The following FAM111A variants were observed in gnomAD, a reference collection of about 807,000 sequenced individuals.
FAM111A encodes the protein serine protease FAM111A.
A neutral mutation model predicts 3.3 loss-of-function variants in FAM111A; 8 were observed. That is an observed-to-expected ratio of 2.39 (90% CI 1.40 to 4.32). FAM111A has a LOEUF of 4.32. FAM111A is among the 30% of genes most tolerant of loss of function. FAM111A has a pLI of 0.00. For synonymous variants in FAM111A, 227 were observed against 243.1 expected, an observed-to-expected ratio of 0.93 and a Z score of 0.62; for missense variants, 683 against 727.6, an observed-to-expected ratio of 0.94 and a Z score of 0.71.
intron 4 of FAM111A, among the ~76,000 whole-genome samples, chr11:59,147,763 AT>A (rs1458075134): frequency 6.6e-6 from 1 of 152,076 alleles, no homozygotes; most frequent in Non-Finnish European, 1.5e-5. Flanking sequence ...CCATTCTCTC[AT>A]TTTTTCTCTA....
rs1861833393 is a variant in FAM111A, at chr11:59,152,563, C to T, written c.895C>T (p.Gln299Ter). 1 of 1,613,804 alleles carries T rather than the reference C, an allele frequency of 6.2e-7. No individual in the cohort carries two copies. The highest frequency in any genetic ancestry group is 1.7e-5 in the Admixed American group (1 of 59,984). The change falls in exon 6 of 6, where the codon CAG becomes TAG. Residue 299 changes from glutamine to a stop codon, truncating the protein, a stop_gained. Coordinates refer to ENST00000675163, the MANE Select transcript of FAM111A (RefSeq NM_001312909.2). LOFTEE classifies it low-confidence loss of function (END_TRUNC). ...TGTGTTGAGAGAACAAATCGTGGCT[C>T]AGTACCCCAGTTTGAAAAGAGAAAG... Reference protein sequence around the residue: ...TCVLREQIVAQYPSLKRESEK... With the variant: ...TCVLREQIVA
At chr11:59,146,752 TAA>T (rs1860966798) in intron 4 of FAM111A, among the ~76,000 whole-genome samples, 1 of 152,128 alleles carries the variant, frequency 6.6e-6, no homozygotes, top group Non-Finnish European at 1.5e-5. Context: ...GGCTAGAACA[TAA>T]GTTAAACAAT....
chr11:59,152,707 G>T lies in FAM111A; in HGVS notation c.1039G>T (p.Val347Leu). 6.2e-7 allele frequency: 1 copy of T among 1,614,232 alleles called. No homozygotes were observed. The highest frequency in any genetic ancestry group is 8.5e-7 in the Non-Finnish European group (1 of 1,180,034). ...VTKNSSSIKV[V>L]KLLVRLSDSV... is the part of the protein sequence containing the mutation. ...AAAAAATTCTTCTTCGATTAAAGTA[G>T]TGAAACTTCTTGTACGTCTCAGTGA... Residue 347 changes from valine to leucine, a missense_variant, in exon 6 of 6, where the codon GTG becomes TTG. By Grantham distance (32) the Val-to-Leu change is conservative (BLOSUM62 1). This residue lies in a region of FAM111A where 557 missense variants were observed against 600.2 expected (regional missense o/e 0.93). Transcript: ENST00000675163.
rs1041940776 is a variant in FAM111A at position 59,153,618 on chromosome 11, C to G, written c.*114C>G. 1.3e-6 allele frequency: 1 copy of G among 755,212 alleles called. No individual in the cohort carries two copies. The highest frequency in any genetic ancestry group is 2.1e-6 in the Non-Finnish European group (1 of 475,826). 46.8% of individuals were successfully genotyped at this position (755,212 alleles called of 1,614,324 possible). ...ATCTTATCAATAATAATAATATTGA[C>G]CATTTCCTATCTGCCAGGCATTTTT... On this transcript the variant is annotated 3_prime_UTR_variant, in exon 6 of 6. Coordinates refer to ENST00000675163, the MANE Select transcript of FAM111A (RefSeq NM_001312909.2).
rs10896928 is a variant in FAM111A, at chr11:59,152,340, A to G, written c.672A>G (p.Ala224=). The change falls in exon 6 of 6, where the codon GCA becomes GCG. Residue 224 remains alanine (A), a synonymous_variant. Transcript: ENST00000675163. ...TCAAAGGAGAAACCATCAAGGATGC[A>G]CTGTGCAAGGATGGCAGATTTCTTT... ...YAFKGETIKD[A]LCKDGRFLSF... is the part of the protein sequence containing the mutation. 0.22 allele frequency: 352,554 copies of G among 1,613,960 alleles called. 39,740 individuals carry two copies. The highest frequency in any genetic ancestry group is 0.33 in the African/African-American group (25,068 of 74,984).
In FAM111A at chr11:59,143,561, A is replaced by G. The variant is rs548311570; in HGVS notation, c.-241A>G. 6.6e-6 allele frequency: 1 copy of G among 152,334 alleles called. No individual in the cohort carries two copies. The highest frequency in any genetic ancestry group is 2.1e-4 in the South Asian group (1 of 4,834). The allele number at this position is 152,334 out of a possible 1,614,324, so 9.4% of individuals were successfully genotyped here. On this transcript the variant is annotated 5_prime_UTR_variant, in exon 3 of 6. Coordinates refer to ENST00000675163, the MANE Select transcript of FAM111A (RefSeq NM_001312909.2). ...TAAGACCCAATGTTAACTTTATGAA[A>G]ATGGTTCCTAAGGAGATTCACATCT...
chr11:59,148,988 A>G, intron 5 of FAM111A, 35 bp downstream of exon 5: 1 of 1,446,792 alleles, frequency 6.9e-7, no homozygotes, highest in Non-Finnish European at 9.7e-7. Flanking sequence ...TAATCTAGTC[A>G]TCCCTTGGTA....
At position 59,142,941 on chromosome 11, in the gene FAM111A, A is replaced by T. The variant is rs1860338913; in HGVS notation, c.-533A>T. The T allele has an allele frequency of 6.6e-6, 1 of 152,218 alleles. No homozygotes were observed. Among genetic ancestry groups the T allele is most frequent in the African/African-American group, 2.4e-5 (1 of 41,432 alleles). 9.4% of individuals were successfully genotyped at this position (152,218 alleles called of 1,614,324 possible). ...GGGACTGGGGAAACCGGGAGAATAG[A>T]AGCAGGCAAGGACCGCCGTGGGCAC... On this transcript the variant is annotated 5_prime_UTR_variant, in exon 1 of 6. Transcript: ENST00000675163.
intron 5 of FAM111A, among the ~76,000 whole-genome samples, chr11:59,149,515 A>G (rs1861383643): frequency 6.6e-6 from 1 of 152,240 alleles, no homozygotes; most frequent in Admixed American, 6.5e-5. Context: ...GTCTTTAATG[A>G]AAAACTATTG....
intron 5 of FAM111A, 98 bp from the exon 6 acceptor site, chr11:59,151,652 A>G: frequency 1.1e-6 from 1 of 874,986 alleles, no homozygotes; most frequent in Non-Finnish European, 1.8e-6. Flanking sequence ...ATTGGTTCTC[A>G]GTTTCTCATA....
chr11:59,152,233 A>G lies in FAM111A; in HGVS notation c.565A>G (p.Ile189Val), dbSNP rs749281780. 1.9e-6 allele frequency: 3 copies of G among 1,614,020 alleles called. No homozygotes were observed. Among genetic ancestry groups the G allele is most frequent in the African/African-American group, 1.3e-5 (1 of 74,922 alleles). Reference protein sequence around the residue: ...TECVKFYIHAIGIGKCKRRIV... With the variant: ...TECVKFYIHAVGIGKCKRRIV... ...ATGTGTCAAATTTTACATTCATGCA[A>G]TTGGAATTGGGAAGTGTAAAAGAAG... Residue 189 changes from isoleucine (I) to valine (V), a missense_variant, in exon 6 of 6, where the codon ATT (isoleucine) becomes GTT (valine). Physicochemically the swap from Ile to Val is conservative, Grantham distance 29. This residue lies in a region of FAM111A where 557 missense variants were observed against 600.2 expected (regional missense o/e 0.93). Coordinates refer to ENST00000675163, the MANE Select transcript of FAM111A (RefSeq NM_001312909.2).
intron 5 of FAM111A, chr11:59,149,217 G>A (rs576470299): frequency 5.9e-6 from 2 of 338,852 alleles, no homozygotes; most frequent in South Asian, 1.0e-4. Flanking sequence ...GAAAAAAAAA[G>A]TCATGCACGT....
At chr11:59,147,603 A>G (rs540090111) in intron 4 of FAM111A, among the ~76,000 whole-genome samples, 10 of 152,274 alleles carry the variant, frequency 6.6e-5, no homozygotes, top group Admixed American at 6.5e-4. Context: ...ACTGCTCTAA[A>G]ATTAACCTCC....
rs1438950201 is a variant in FAM111A, at chr11:59,152,480, G to A, written c.812G>A (p.Arg271Lys). The A allele has an allele frequency of 6.2e-7, 1 of 1,613,990 alleles. No individual in the cohort carries two copies. The highest frequency in any genetic ancestry group is 2.2e-5 in the East Asian group (1 of 44,900). ...GRYFQVEVEK[R>K]MVPSAAASQN... ...TACTTTCAGGTTGAGGTTGAGAAAA[G>A]AATGGTCCCCAGTGCAGCAGCTTCT... The change falls in exon 6 of 6, where the codon AGA becomes AAA. Residue 271 changes from arginine to lysine, a missense_variant. Physicochemically the swap from Arg to Lys is conservative, Grantham distance 26. This residue lies in a region of FAM111A where 557 missense variants were observed against 600.2 expected (regional missense o/e 0.93). Coordinates refer to ENST00000675163, the MANE Select transcript of FAM111A (RefSeq NM_001312909.2).
At chr11:59,149,458 G>A (rs1234404490) in intron 5 of FAM111A, among the ~76,000 whole-genome samples, 1 of 152,040 alleles carries the variant, frequency 6.6e-6, no homozygotes, top group Non-Finnish European at 1.5e-5. Context: ...TTTTGGGGGC[G>A]GCATGGGGAA....
chr11:59,151,671 G>C, intron 5 of FAM111A, 79 bp from the exon 6 acceptor site: 1 of 1,068,018 alleles, frequency 9.4e-7, no homozygotes, highest in East Asian at 2.4e-5. Context: ...TAGGAATTTT[G>C]TGAATTGCAT....
Position 59,154,041 on chromosome 11 carries a change from G to C in FAM111A, c.*537G>C, listed in dbSNP as rs1431778752. The C allele has an allele frequency of 6.6e-6, 1 of 152,064 alleles. No individual in the cohort carries two copies. The highest frequency in any genetic ancestry group is 1.5e-5 in the Non-Finnish European group (1 of 68,086). 9.4% of individuals were successfully genotyped at this position (152,064 alleles called of 1,614,324 possible). On this transcript the variant is annotated 3_prime_UTR_variant, in exon 6 of 6. Transcript: ENST00000675163. ...TTGCCCTATTTTAAAGTCAAGCAAT[G>C]GGAAGAATAACAAGATTATATAGTA...
intron 5 of FAM111A, chr11:59,149,277 A>T (rs1353330381): frequency 2.2e-5 from 5 of 230,234 alleles, no homozygotes; most frequent in South Asian, 1.9e-4. Context: ...TTCAATCTGC[A>T]GTTGGTTGAA....
At chr11:59,146,949 T>A (rs983109739) in intron 4 of FAM111A, among the ~76,000 whole-genome samples, 7 of 152,168 alleles carry the variant, frequency 4.6e-5, no homozygotes, top group Non-Finnish European at 4.4e-5. Context: ...ATTATGTAAT[T>A]TTTAGAGATG....
Sources: gnomAD v4.1 joint callset for allele counts (sites outside exome capture counted in the v4.1 genomes callset) on GRCh38, gnomAD v4.1.1 for gene constraint, gnomAD v4.1.1 regional missense constraint, MANE v1.5 for transcripts, NCBI Gene and HGNC (gene_info 2026-07-23, HGNC 2026-07-21) for gene names.